CRAMP1: variants seen among roughly 807,000 people sequenced by gnomAD.
The protein encoded by CRAMP1 is cramped chromatin regulator 1.
A neutral mutation model predicts 115.4 loss-of-function variants in CRAMP1; 50 were observed. The ratio of observed to expected loss-of-function variants is 0.43; its 90% CI spans 0.35 to 0.55. The LOEUF is 0.55. CRAMP1 is among the 20% of genes least tolerant of loss of function. The pLI is 0.01. For synonymous variants in CRAMP1, 866 were observed against 745.4 expected (o/e 1.16, Z -2.64); for missense variants, 1,679 against 1,721.7 (o/e 0.98, Z 0.44).
chr16:1,618,943 A>AT (rs1229103263), intron 2 of CRAMP1, among the ~76,000 whole-genome samples: 1 of 152,222 alleles, frequency 6.6e-6, no homozygotes, highest in Non-Finnish European at 1.5e-5. Context: ...GCTGCTTTTC[A>AT]AATACCTGTA....
chr16:1,636,137 G>A (rs1033179637), intron 4 of CRAMP1, among the ~76,000 whole-genome samples: 1 of 152,194 alleles, frequency 6.6e-6, no homozygotes, highest in Admixed American at 6.5e-5. Flanking sequence ...TTGGGAGGCC[G>A]AGGTGGGCGG....
Position 1,656,246 on chromosome 16 carries a change from G to C in CRAMP1, c.1489G>C (p.Glu497Gln), listed in dbSNP as rs1168347935. 1 of 1,609,818 alleles carries C rather than the reference G, an allele frequency of 6.2e-7. No homozygotes were observed. Among genetic ancestry groups the C allele is most frequent in the Middle Eastern group, 1.7e-4 (1 of 6,040 alleles). The change falls in exon 10 of 21, where the codon GAG becomes CAG. Residue 497 changes from glutamate to glutamine, a missense_variant. Physicochemically the swap from Glu to Gln is conservative, Grantham distance 29 (BLOSUM62 2). This residue lies in a region of CRAMP1 where 405 missense variants were observed against 302.6 expected (regional missense o/e 1.34). Coordinates refer to ENST00000397412, the MANE Select transcript of CRAMP1 (RefSeq NM_020825.4). This position sits in a 1 kb window ranked among gnomAD's most constrained non-coding sequence, Gnocchi z 5.6. ...GAGTTCCCCCGAAAGCGCCCCCGGG[G>C]AGGGGGCTGCCCTAAGCTTGAGCAG... ...GESSPESAPGEGAALSLSSPD... is the reference protein window; with the variant it reads ...GESSPESAPGQGAALSLSSPD...
At chr16:1,664,995 CT>C in intron 13 of CRAMP1, 61 bp from the exon 14 acceptor site, 1 of 1,145,338 alleles carries the variant, frequency 8.7e-7, no homozygotes. Flanking sequence ...TCCTTTGTAA[CT>C]GGGAGTGATT....
At chr16:1,670,545 T>A in intron 19 of CRAMP1, 119 bp from the exon 20 acceptor site, 1 of 1,077,578 alleles carries the variant, frequency 9.3e-7, no homozygotes, top group Non-Finnish European at 1.4e-6. Flanking sequence ...CAAGTCTGGA[T>A]TGGGGCCGGG....
At position 1,662,480 on chromosome 16, in the gene CRAMP1, C is replaced by T. The variant is rs1256648037; in HGVS notation, c.2414-10C>T. 3 of 1,610,448 alleles carry T rather than the reference C, an allele frequency of 1.9e-6. No homozygotes were observed. Among genetic ancestry groups the T allele is most frequent in the African/African-American group, 1.3e-5 (1 of 74,980 alleles). On this transcript the variant is annotated splice_polypyrimidine_tract_variant and intron_variant, in intron 11 of 20. Coordinates refer to ENST00000397412, the MANE Select transcript of CRAMP1 (RefSeq NM_020825.4). ...TGCTGTCACACTGATTCTCTCCTCT[C>T]CTCTCCCAGGTTTGAGAAACCCTCC...
rs961754183 is a variant in CRAMP1 at position 1,641,252 on chromosome 16, C to A, written c.827+65C>A. ...TGTTTTGTGTTTATTCTCTAAAATA[C>A]AGAAGCTGAAATGCTCTCAGTGAGG... On this transcript the variant is annotated intron_variant, in intron 6 of 20. Transcript: ENST00000397412. The A allele has an allele frequency of 3.8e-5, 46 of 1,207,628 alleles. No homozygotes were observed. In the African/African-American group the frequency reaches 5.1e-4, roughly 13 times the overall value. The allele number at this position is 1,207,628 out of a possible 1,614,324, so 74.8% of individuals were successfully genotyped here. A position where few individuals can be genotyped will look rare whatever the true frequency, so the allele number is the denominator to read the frequency against.
intron 2 of CRAMP1, 44 bp downstream of exon 2, chr16:1,615,029 G>C (rs1160168157): frequency 1.7e-6 from 2 of 1,143,274 alleles, no homozygotes; most frequent in East Asian, 6.5e-5. Context: ...CCCTCTCCGG[G>C]GTGTGCCGCG....
At position 1,612,469 on chromosome 16, in the gene CRAMP1, C is replaced by G. The variant is rs1169401660; in HGVS notation, c.-190C>G. On this transcript the variant is annotated 5_prime_UTR_variant, in exon 1 of 21. Coordinates refer to ENST00000397412, the MANE Select transcript of CRAMP1 (RefSeq NM_020825.4). ...GTCCGCAGCCCCCGCAGCCGCGCGCCGGCCCGCGGAGGGGACGTGCCGGGG... is the reference window on the plus strand; with the variant it reads ...GTCCGCAGCCCCCGCAGCCGCGCGCGGGCCCGCGGAGGGGACGTGCCGGGG... The G allele has an allele frequency of 1.3e-5, 2 of 151,226 alleles. No individual in the cohort carries two copies. Among genetic ancestry groups the G allele is most frequent in the South Asian group, 4.1e-4 (2 of 4,848 alleles). The allele number at this position is 151,226 out of a possible 1,614,324, so 9.4% of individuals were successfully genotyped here. A position where few individuals can be genotyped will look rare whatever the true frequency, so the allele number is the denominator to read the frequency against.
At chr16:1,613,613 G>T (rs1193353798) in intron 1 of CRAMP1, among the ~76,000 whole-genome samples, 3 of 152,158 alleles carry the variant, frequency 2.0e-5, no homozygotes, top group African/African-American at 7.2e-5. Context: ...ATTTTTGAGT[G>T]GCTCTGCTTT....
In CRAMP1 at chr16:1,614,957, C is replaced by T. The variant is rs1177883753; in HGVS notation, c.318C>T (p.Asn106=). The T allele has an allele frequency of 1.6e-6, 2 of 1,260,416 alleles. No homozygotes were observed. The highest frequency in any genetic ancestry group is 2.0e-6 in the Non-Finnish European group (2 of 1,002,438). 78.1% of individuals were successfully genotyped at this position (1,260,416 alleles called of 1,614,324 possible). The change falls in exon 2 of 21, where the codon AAC becomes AAT. Residue 106 remains asparagine, a synonymous_variant. Coordinates refer to ENST00000397412, the MANE Select transcript of CRAMP1 (RefSeq NM_020825.4). This position sits in a 1 kb window ranked among gnomAD's most constrained non-coding sequence, Gnocchi z 4.4. ...CTCCGAGCGCTGTGGGGAGCGGCAACGCCGGTGGCTCGGGGCCCCGCGGAA... is the reference window on the plus strand; with the variant it reads ...CTCCGAGCGCTGTGGGGAGCGGCAATGCCGGTGGCTCGGGGCCCCGCGGAA... ...KDPPSAVGSG[N]AGGSGPRGKG... is the part of the protein sequence containing the mutation.
chr16:1,629,716 G>C (rs950997189), intron 3 of CRAMP1, among the ~76,000 whole-genome samples: 24 of 152,200 alleles, frequency 1.6e-4, no homozygotes, highest in African/African-American at 5.8e-4. Context: ...GGGCCTGCCT[G>C]GACCTTGCAG....
chr16:1,645,394 G>T (rs9928010), intron 6 of CRAMP1: 38,293 of 216,840 alleles, frequency 0.18, 5,490 homozygotes, highest in African/African-American at 0.39. Context: ...CACCATGTTG[G>T]CCAGGCTGGT....
In CRAMP1 at chr16:1,656,162, G is replaced by T; in HGVS notation, c.1405G>T (p.Glu469Ter). 6.2e-7 allele frequency: 1 copy of T among 1,605,960 alleles called. No individual in the cohort carries two copies. Among genetic ancestry groups the T allele is most frequent in the Non-Finnish European group, 8.5e-7 (1 of 1,176,878 alleles). ...GQVKCPRSGA[E>*]GKGVGRPPPA... is the part of the protein sequence containing the mutation. ...GGTGAAATGCCCGCGGAGCGGAGCTGAGGGCAAGGGTGTGGGGCGGCCCCC... is the reference window on the plus strand; with the variant it reads ...GGTGAAATGCCCGCGGAGCGGAGCTTAGGGCAAGGGTGTGGGGCGGCCCCC... The change falls in exon 10 of 21, where the codon GAG becomes TAG. Residue 469 changes from glutamate to a stop codon, truncating the protein, a stop_gained. Transcript: ENST00000397412. LOFTEE classifies it high-confidence loss of function. This position sits in a 1 kb window ranked among gnomAD's most constrained non-coding sequence, Gnocchi z 5.6.
At chr16:1,621,972 C>G (rs896188015) in intron 2 of CRAMP1, among the ~76,000 whole-genome samples, 1 of 152,186 alleles carries the variant, frequency 6.6e-6, no homozygotes, top group African/African-American at 2.4e-5. Context: ...GCTTCTCTGT[C>G]TTCCCCTTCA....
chr16:1,653,418 C>T (rs953269806), intron 8 of CRAMP1, among the ~76,000 whole-genome samples: 2 of 152,220 alleles, frequency 1.3e-5, no homozygotes, highest in Admixed American at 1.3e-4. Context: ...CAGAGCCTTC[C>T]TTTCGTCCCC....
intron 10 of CRAMP1, among the ~76,000 whole-genome samples, chr16:1,658,164 A>G (rs2036792516): frequency 6.6e-6 from 1 of 152,044 alleles, no homozygotes; most frequent in Non-Finnish European, 1.5e-5. Context: ...GAATGTGCAG[A>G]TTTGCCTGGG....
At chr16:1,657,098 T>A in intron 10 of CRAMP1, 106 bp downstream of exon 10, 1 of 1,057,938 alleles carries the variant, frequency 9.5e-7, no homozygotes, top group Non-Finnish European at 1.3e-6. Context: ...GGGGTCCAGA[T>A]GAGAGAGACA....
chr16:1,614,622 C>T lies in CRAMP1; in HGVS notation c.-1-17C>T, dbSNP rs1266634651. 2.4e-6 allele frequency: 3 copies of T among 1,233,212 alleles called. No individual in the cohort carries two copies. Among genetic ancestry groups the T allele is most frequent in the Non-Finnish European group, 2.0e-6 (2 of 983,358 alleles). 76.4% of individuals were successfully genotyped at this position (1,233,212 alleles called of 1,614,324 possible). On this transcript the variant is annotated splice_polypyrimidine_tract_variant and intron_variant, in intron 1 of 20. Transcript: ENST00000397412. This position sits in a 1 kb window ranked among gnomAD's most constrained non-coding sequence, Gnocchi z 4.4. ...CTGCGCCCGCCTCACCGGCCGCCTC[C>T]CCTCTCCCGGCCGCAGGATGACAGT...
At chr16:1,630,959 G>A (rs960607751) in intron 3 of CRAMP1, among the ~76,000 whole-genome samples, 1 of 152,206 alleles carries the variant, frequency 6.6e-6, no homozygotes, top group African/African-American at 2.4e-5. Flanking sequence ...CTTGGTCGCT[G>A]CCCTCAGGCA....
Sources: gnomAD v4.1 joint callset for allele counts (sites outside exome capture counted in the v4.1 genomes callset) on GRCh38, gnomAD v4.1.1 for gene constraint, gnomAD v4.1.1 regional missense constraint, Gnocchi (gnomAD v3.1) non-coding constraint, MANE v1.5 for transcripts, NCBI Gene and HGNC (gene_info 2026-07-23, HGNC 2026-07-21) for gene names.